The following RBM28 variants were observed in gnomAD, a reference collection of about 807,000 sequenced individuals.
RBM28 encodes RNA-binding protein 28.
Under a neutral mutation model 98.3 loss-of-function variants are expected in RBM28, and 78 were observed. The ratio of observed to expected loss-of-function variants is 0.79; its 90% confidence interval spans 0.66 to 0.96. The LOEUF (loss-of-function observed/expected upper bound fraction) is 0.96, where lower values mean the gene tolerates loss of function less well. Ranked by LOEUF, RBM28 falls within the 40% of genes least tolerant of loss-of-function variation. The probability of loss-of-function intolerance (pLI) is 0.00; values close to 1 mark genes in which losing one functional copy is unlikely to be tolerated. For missense variants in RBM28, 838 were observed against 913.0 expected (o/e 0.92, Z 1.06); for synonymous variants, 306 against 330.9 (o/e 0.92, Z 0.82).
rs754987301 is a variant in RBM28 at position 128,335,686 on chromosome 7, T to C, written c.810-7A>G. 3 of 1,614,090 alleles carry C rather than the reference T, an allele frequency of 1.9e-6. No individual in the cohort carries two copies. Among genetic ancestry groups the C allele is most frequent in the Admixed American group, 1.7e-5 (1 of 60,002 alleles). On this transcript the variant is annotated splice_polypyrimidine_tract_variant and splice_region_variant and intron_variant, in intron 7 of 18. Coordinates refer to ENST00000223073, the MANE Select transcript of RBM28 (RefSeq NM_018077.3). ...GGCTGGTCTCTTGACTGCTCTGCAA[T>C]GGCACAGATCAGAACTAAGGAGGTG...
chr7:128,325,175 T>C (rs1167644733), intron 11 of RBM28, among the ~76,000 whole-genome samples: 1 of 152,112 alleles, frequency 6.6e-6, no homozygotes, highest in Non-Finnish European at 1.5e-5. Flanking sequence ...TAGCTACAAA[T>C]GGATCACTGG....
In RBM28 at chr7:128,298,016, T is replaced by A. The variant is rs529088357; in HGVS notation, c.*12781A>T. On this transcript the variant is annotated 3_prime_UTR_variant, in exon 19 of 19. Coordinates refer to ENST00000223073, the MANE Select transcript of RBM28 (RefSeq NM_018077.3). ...GTGGGGGGAGGGGGGAGGGATAGCA[T>A]TGGGAGATATACCTAATGCTAGATG... 8.0e-6 allele frequency: 1 copy of A among 124,752 alleles called. No individual in the cohort carries two copies. The highest frequency in any genetic ancestry group is 2.7e-5 in the African/African-American group (1 of 36,884). 7.7% of individuals were successfully genotyped at this position (124,752 alleles called of 1,614,324 possible).
At chr7:128,338,405 G>GTAAA (rs1485220764) in intron 4 of RBM28, 63 bp from the exon 5 acceptor site, 16 of 1,351,974 alleles carry the variant, frequency 1.2e-5, no homozygotes, top group Non-Finnish European at 1.7e-5. Flanking sequence ...ATACTAAGAA[G>GTAAA]TAAATTACTG....
Position 128,304,158 on chromosome 7 carries a change from AT to A in RBM28, c.*6638del, listed in dbSNP as rs1384305798. On this transcript the variant is annotated 3_prime_UTR_variant, in exon 19 of 19. Coordinates refer to ENST00000223073, the MANE Select transcript of RBM28 (RefSeq NM_018077.3). ...TTTATTATAAATTTCATTGATAAAA[AT>A]GATGTGCAGCACATAATTTATAAAT... 2.0e-5 allele frequency: 3 copies of A among 151,302 alleles called. No homozygotes were observed. The East Asian group carries it at 5.8e-4, about 29-fold the overall frequency. 9.4% of individuals were successfully genotyped at this position (151,302 alleles called of 1,614,324 possible). A position where few individuals can be genotyped will look rare whatever the true frequency, so the allele number is the denominator to read the frequency against.
intron 10 of RBM28, among the ~76,000 whole-genome samples, chr7:128,329,378 C>T (rs1014832525): frequency 1.3e-4 from 20 of 152,204 alleles, no homozygotes; most frequent in African/African-American, 3.9e-4. Flanking sequence ...GGATTACAGG[C>T]GTGAGCCACC....
chr7:128,335,871 G>A lies in RBM28; in HGVS notation c.785C>T (p.Thr262Ile), dbSNP rs746239238. Residue 262 changes from threonine (T) to isoleucine (I), a missense_variant, in exon 7 of 19, where the codon ACC (threonine) becomes ATC (isoleucine). By Grantham distance (89) the Thr-to-Ile change is moderately conservative (BLOSUM62 -1). Coordinates refer to ENST00000223073, the MANE Select transcript of RBM28 (RefSeq NM_018077.3). The stretch of plus-strand genomic sequence containing the variant: ...CCTCTTCTGAATTTGCACAGGCTTG[G>A]TCACCTTTGATTCTATATTCTCTTC... ...EEEENIESKV[T>I]KPVQIQKRAV... 4 of 1,614,032 alleles carry A rather than the reference G, an allele frequency of 2.5e-6. No individual in the cohort carries two copies. The highest frequency in any genetic ancestry group is 3.4e-6 in the Non-Finnish European group (4 of 1,179,982).
At chr7:128,329,099 A>C (rs531100099) in intron 10 of RBM28, among the ~76,000 whole-genome samples, 1 of 151,172 alleles carries the variant, frequency 6.6e-6, no homozygotes, top group Non-Finnish European at 1.5e-5. Flanking sequence ...CAGGTCTTAA[A>C]CTTTTTTTTT....
At position 128,333,276 on chromosome 7, in the gene RBM28, G is replaced by A; in HGVS notation, c.1019+14C>T. 1 of 1,565,338 alleles carries A rather than the reference G, an allele frequency of 6.4e-7. No homozygotes were observed. The highest frequency in any genetic ancestry group is 1.4e-5 in the African/African-American group (1 of 73,836). ...AGACCACGCAAAAGCAATTCTGGAG[G>A]CAGAAAGACATACCTGATAAAAACA... On this transcript the variant is annotated intron_variant, in intron 9 of 18. Coordinates refer to ENST00000223073, the MANE Select transcript of RBM28 (RefSeq NM_018077.3).
In RBM28 at chr7:128,311,514, G is replaced by A. The variant is rs1325423732; in HGVS notation, c.2146-583C>T. On this transcript the variant is annotated intron_variant, in intron 18 of 18. Coordinates refer to ENST00000223073, the MANE Select transcript of RBM28 (RefSeq NM_018077.3). ...TGGGAAAATGGCTAATGTCAGGACTGGGGAAGAGGTACCTGAGCTGAGCCT... is the reference window on the plus strand; with the variant it reads ...TGGGAAAATGGCTAATGTCAGGACTAGGGAAGAGGTACCTGAGCTGAGCCT... Among the ~76,000 whole-genome samples, 3 of 152,268 alleles carry A rather than the reference G, an allele frequency of 2.0e-5. No individual in the cohort carries two copies. In the East Asian group the frequency reaches 5.8e-4, roughly 29 times the overall value.
rs745974077 is a variant in RBM28, at chr7:128,338,720, T to C, written c.448+6A>G. 2 of 1,564,790 alleles carry C rather than the reference T, an allele frequency of 1.3e-6. No individual in the cohort carries two copies. Among genetic ancestry groups the C allele is most frequent in the South Asian group, 2.2e-5 (2 of 90,026 alleles). ...TAATCCACACCAAGTGAAGGTTTAT[T>C]AGTACCTGGTTTCCTAGGGATATTT... On this transcript the variant is annotated splice_donor_region_variant and intron_variant, in intron 4 of 18. Coordinates refer to ENST00000223073, the MANE Select transcript of RBM28 (RefSeq NM_018077.3).
chr7:128,318,044 G>T lies in RBM28; in HGVS notation c.1626C>A (p.Tyr542Ter). The T allele has an allele frequency of 6.2e-7, 1 of 1,614,014 alleles. No individual in the cohort carries two copies. The highest frequency in any genetic ancestry group is 8.5e-7 in the Non-Finnish European group (1 of 1,179,862). The part of the protein sequence containing the change: ...HGNMKGQSLG[Y>*]AFAEFQEHEH... Reference sequence around the variant, plus strand: ...CGTGCTCTTGGAACTCCGCAAAGGCGTAGCCCAGGGACTGACCCTTCATGT... The same window carrying T: ...CGTGCTCTTGGAACTCCGCAAAGGCTTAGCCCAGGGACTGACCCTTCATGT... The change falls in exon 15 of 19, where the codon TAC (tyrosine) becomes TAA (stop). Residue 542 changes from tyrosine (Y) to a stop codon, truncating the protein, a stop_gained. Coordinates refer to ENST00000223073, the MANE Select transcript of RBM28 (RefSeq NM_018077.3). LOFTEE classifies it high-confidence loss of function.
chr7:128,319,993 G>A lies in RBM28; in HGVS notation c.1563+1273C>T, dbSNP rs533920898. Reference sequence around the variant, plus strand: ...AGCACTTTGGGAGGCCGAGGCAGGCGGATCACTTGAGGTCAAGAGATCGAG... The same window carrying A: ...AGCACTTTGGGAGGCCGAGGCAGGCAGATCACTTGAGGTCAAGAGATCGAG... On this transcript the variant is annotated intron_variant, in intron 14 of 18. Transcript: ENST00000223073. Among the ~76,000 whole-genome samples the A allele has an allele frequency of 8.5e-5, 13 of 152,140 alleles. No individual in the cohort carries two copies. In the South Asian group the frequency reaches 2.3e-3, roughly 27 times the overall value.
rs1361955814 is a variant in RBM28, at chr7:128,299,599, A to T, written c.*11198T>A. The T allele has an allele frequency of 1.3e-5, 2 of 152,206 alleles. No homozygotes were observed. The highest frequency in any genetic ancestry group is 3.8e-4 in the East Asian group (2 of 5,204). 9.4% of individuals were successfully genotyped at this position (152,206 alleles called of 1,614,324 possible). Reference sequence around the variant, plus strand: ...CAGTTTGTAATAGCAAAGGTTGGAAACCGTTGAATGGGATTTCCATCACAT... The same window carrying T: ...CAGTTTGTAATAGCAAAGGTTGGAATCCGTTGAATGGGATTTCCATCACAT... On this transcript the variant is annotated 3_prime_UTR_variant, in exon 19 of 19. Transcript: ENST00000223073.
intron 14 of RBM28, among the ~76,000 whole-genome samples, chr7:128,319,072 A>AT (rs1796166960): frequency 6.6e-6 from 1 of 152,152 alleles, no homozygotes; most frequent in Non-Finnish European, 1.5e-5. Context: ...GTATGGTAGG[A>AT]TTTTTCGAGA....
Position 128,338,802 on chromosome 7 carries a change from C to T in RBM28, c.373-1G>A. 6.2e-7 allele frequency: 1 copy of T among 1,605,706 alleles called. No individual in the cohort carries two copies. Among genetic ancestry groups the T allele is most frequent in the South Asian group, 1.1e-5 (1 of 90,904 alleles). ...CTGTCTTCAAGTCATCTTCTGAACA[C>T]TGAAGCCAAAAGTGAAGAAAGAAAA... On this transcript the variant is annotated splice_acceptor_variant, in intron 3 of 18. Coordinates refer to ENST00000223073, the MANE Select transcript of RBM28 (RefSeq NM_018077.3). LOFTEE classifies it high-confidence loss of function.
rs1796024525 is a variant in RBM28 at position 128,313,193 on chromosome 7, CT to C, written c.2126del (p.Gln709ArgfsTer81). On this transcript the variant is annotated frameshift_variant, in exon 18 of 19. Coordinates refer to ENST00000223073, the MANE Select transcript of RBM28 (RefSeq NM_018077.3). LOFTEE classifies it high-confidence loss of function. ...PQINQWKQEK[Q>X]QLSSEQVSRK... ...AACTCACCTGCTCGGACGATAATTGCTGCTTCTCCTGCTTCCACTGGTTTAT... is the reference window on the plus strand; with the variant it reads ...AACTCACCTGCTCGGACGATAATTGCGCTTCTCCTGCTTCCACTGGTTTAT... The C allele has an allele frequency of 6.2e-7, 1 of 1,613,964 alleles. No homozygotes were observed. The highest frequency in any genetic ancestry group is 1.1e-5 in the South Asian group (1 of 91,086).
At chr7:128,317,866 C>T (rs1796138579) in intron 15 of RBM28, 91 bp downstream of exon 15, 2 of 1,576,068 alleles carry the variant, frequency 1.3e-6, no homozygotes, top group Non-Finnish European at 1.7e-6. Context: ...TCCCACCCCT[C>T]AAATGTCAGA....
chr7:128,316,093 C>T (rs887288166), intron 16 of RBM28, among the ~76,000 whole-genome samples: 8 of 87,448 alleles, frequency 9.1e-5, no homozygotes, highest in African/African-American at 2.8e-4. Flanking sequence ...ATAGGTACAA[C>T]GATACAATGA....
At chr7:128,311,403 G>A (rs2116317664) in intron 18 of RBM28, among the ~76,000 whole-genome samples, 1 of 152,292 alleles carries the variant, frequency 6.6e-6, no homozygotes, top group African/African-American at 2.4e-5. Context: ...AAAGGAAAGA[G>A]ACTAGGGAAG....
Sources: gnomAD v4.1 joint callset for allele counts (sites outside exome capture counted in the v4.1 genomes callset) on GRCh38, gnomAD v4.1.1 for gene constraint, MANE v1.5 for transcripts, NCBI Gene and HGNC (gene_info 2026-07-23, HGNC 2026-07-21) for gene names.